Variants in CACNG5 observed in about 807,000 individuals in gnomAD.
CACNG5 encodes calcium voltage-gated channel auxiliary subunit gamma 5.
Under a neutral mutation model 24.8 loss-of-function variants are expected in CACNG5, and 18 were observed. The observed-to-expected ratio is 0.73, with a 90% CI of 0.50 to 1.08. CACNG5 has a LOEUF of 1.08. CACNG5 is among the 50% of genes least tolerant of loss of function. The probability of loss-of-function intolerance (pLI) is 0.00; values close to 1 mark genes in which losing one functional copy is unlikely to be tolerated. For synonymous variants in CACNG5, 157 were observed against 149.1 expected (o/e 1.05, Z -0.39); for missense variants, 349 against 367.9 (o/e 0.95, Z 0.42).
rs1328475949 is a variant in CACNG5, at chr17:66,884,154, A to AG, written c.425-362_425-361insG. Among the ~76,000 whole-genome samples, 255 of 151,874 alleles carry AG rather than the reference A, an allele frequency of 1.7e-3. 4 individuals are homozygous for AG. The highest frequency in any genetic ancestry group is 6.1e-3 in the African/African-American group (252 of 41,416). ...CCTCAAAAAAAGAAAAAAAAAAAAA[A>AG]AAGAAGAAAATACAGTGCCAGGTCC... On this transcript the variant is annotated intron_variant, in intron 4 of 5. Transcript: ENST00000533854.
At chr17:66,845,084 A>G (rs1337950401) in intron 1 of CACNG5, among the ~76,000 whole-genome samples, 1 of 152,260 alleles carries the variant, frequency 6.6e-6, no homozygotes, top group Non-Finnish European at 1.5e-5. Flanking sequence ...AAAATGTGGC[A>G]CATATACACC....
chr17:66,858,751 G>T (rs1976816901), intron 1 of CACNG5, among the ~76,000 whole-genome samples: 1 of 138,218 alleles, frequency 7.2e-6, no homozygotes, highest in African/African-American at 2.7e-5. Context: ...CCTGCATCCT[G>T]GCAGTGGTGT....
At position 66,836,197 on chromosome 17, in the gene CACNG5, A is replaced by C. The variant is rs551755503; in HGVS notation, c.-104+947A>C. Among the ~76,000 whole-genome samples, 4 of 152,220 alleles carry C rather than the reference A, an allele frequency of 2.6e-5. No homozygotes were observed. In the East Asian group the frequency reaches 5.8e-4, roughly 22 times the overall value. On this transcript the variant is annotated intron_variant, in intron 1 of 5. Coordinates refer to ENST00000533854, the MANE Select transcript of CACNG5 (RefSeq NM_145811.3). The stretch of plus-strand genomic sequence containing the variant: ...AAAGGAAGGGATTCACCCACTTTGC[A>C]CTGGATTATCAGTGACTGGGTTAGA...
rs1374305810 is a variant in CACNG5, at chr17:66,894,670, A to T, written c.*9430A>T. 2.0e-5 allele frequency among the ~76,000 whole-genome samples: 3 copies of T among 151,592 alleles called. No individual in the cohort carries two copies. Among genetic ancestry groups the T allele is most frequent in the African/African-American group, 4.9e-5 (2 of 41,216 alleles). ...CCATTCAGATGTGTTTAATATATAT[A>T]TTTTTGTTTCTATGTGCTCCTTAAA... On this transcript the variant is annotated 3_prime_UTR_variant, in exon 6 of 6. Coordinates refer to ENST00000533854, the MANE Select transcript of CACNG5 (RefSeq NM_145811.3).
intron 2 of CACNG5, 66 bp from the exon 3 acceptor site, chr17:66,878,906 T>G: frequency 2.3e-6 from 3 of 1,320,232 alleles, no homozygotes; most frequent in Non-Finnish European, 3.3e-6. Flanking sequence ...GGAAATACCA[T>G]TTGTATGGAC....
intron 1 of CACNG5, among the ~76,000 whole-genome samples, chr17:66,844,307 T>C (rs1365766211): frequency 1.3e-5 from 2 of 152,198 alleles, no homozygotes; most frequent in African/African-American, 4.8e-5. Context: ...CCCTGACATA[T>C]GCACTGTGCA....
rs1287012083 is a variant in CACNG5 at position 66,890,049 on chromosome 17, T to C, written c.*4809T>C. Among the ~76,000 whole-genome samples the C allele has an allele frequency of 6.6e-6, 1 of 152,212 alleles. No individual in the cohort carries two copies. Among genetic ancestry groups the C allele is most frequent in the Non-Finnish European group, 1.5e-5 (1 of 68,042 alleles). On this transcript the variant is annotated 3_prime_UTR_variant, in exon 6 of 6. Coordinates refer to ENST00000533854, the MANE Select transcript of CACNG5 (RefSeq NM_145811.3). ...AATTGGCAGCTCTCCAAGTCTTGAC[T>C]TTCTCCCCACACTCAGTGAACCACT... is the stretch of plus-strand genomic sequence containing the variant.
intron 1 of CACNG5, among the ~76,000 whole-genome samples, chr17:66,850,533 A>G (rs1340527199): frequency 2.0e-5 from 3 of 152,100 alleles, no homozygotes; most frequent in African/African-American, 7.2e-5. Flanking sequence ...TTTTTTTTAC[A>G]TATAGGTTAT....
At chr17:66,860,857 A>ATT (rs34092567) in intron 1 of CACNG5, among the ~76,000 whole-genome samples, 2,346 of 147,216 alleles carry the variant, frequency 0.016, 61 homozygotes, top group African/African-American at 0.053. Context: ...CTTTCTTGAC[A>ATT]TTTTTTTTTT....
intron 1 of CACNG5, among the ~76,000 whole-genome samples, chr17:66,859,836 C>T (rs981647376): frequency 6.6e-6 from 1 of 152,064 alleles, no homozygotes; most frequent in Non-Finnish European, 1.5e-5. Context: ...CCTCCTTCTC[C>T]TCCCCCTTCC....
intron 1 of CACNG5, among the ~76,000 whole-genome samples, chr17:66,875,554 C>T (rs777987553): frequency 6.6e-6 from 1 of 152,188 alleles, no homozygotes; most frequent in Non-Finnish European, 1.5e-5. Flanking sequence ...AACTCTGCCA[C>T]TCTCCTCCTA....
At chr17:66,882,227 A>G (rs1480491864) in intron 4 of CACNG5, among the ~76,000 whole-genome samples, 3 of 152,176 alleles carry the variant, frequency 2.0e-5, no homozygotes, top group Admixed American at 6.5e-5. Context: ...AGTCAAGGTA[A>G]GTGCCAATTT....
intron 1 of CACNG5, among the ~76,000 whole-genome samples, chr17:66,859,684 C>T (rs951913177): frequency 6.6e-6 from 1 of 152,152 alleles, no homozygotes; most frequent in Admixed American, 6.5e-5. Context: ...TTCCTCCCTT[C>T]ACCCCAAAAG....
At chr17:66,862,083 G>A (rs1434447193) in intron 1 of CACNG5, among the ~76,000 whole-genome samples, 1 of 152,122 alleles carries the variant, frequency 6.6e-6, no homozygotes, top group African/African-American at 2.4e-5. Context: ...TTGTGACTTG[G>A]CATGGCAGAG....
chr17:66,849,325 C>A (rs578112992), intron 1 of CACNG5, among the ~76,000 whole-genome samples: 1 of 151,628 alleles, frequency 6.6e-6, no homozygotes, highest in Non-Finnish European at 1.5e-5. Context: ...TGGGGGGAGC[C>A]GCACTGGGAC....
rs1977384251 is a variant in CACNG5 at position 66,894,286 on chromosome 17, G to T, written c.*9046G>T. ...AGGATCCTGCACATCCTTCCTCAGTGGATCCTTAGAAACTCAATGGTGGGC... is the reference window on the plus strand; with the variant it reads ...AGGATCCTGCACATCCTTCCTCAGTTGATCCTTAGAAACTCAATGGTGGGC... On this transcript the variant is annotated 3_prime_UTR_variant, in exon 6 of 6. Transcript: ENST00000533854. 6.6e-6 allele frequency among the ~76,000 whole-genome samples: 1 copy of T among 152,148 alleles called. No homozygotes were observed. The highest frequency in any genetic ancestry group is 6.5e-5 in the Admixed American group (1 of 15,270).
At chr17:66,865,244 T>C (rs193294844) in intron 1 of CACNG5, among the ~76,000 whole-genome samples, 1 of 151,612 alleles carries the variant, frequency 6.6e-6, no homozygotes, top group Admixed American at 6.6e-5. Context: ...CAGCCATTTA[T>C]CTCAACTCTT....
Position 66,851,735 on chromosome 17 carries a change from G to A in CACNG5, c.-104+16485G>A, listed in dbSNP as rs73994648. ...AGAAAACACAAACAATATTGGGAAC[G>A]AGAAAAAGACCAAAATGATATGTGG... On this transcript the variant is annotated intron_variant, in intron 1 of 5. Coordinates refer to ENST00000533854, the MANE Select transcript of CACNG5 (RefSeq NM_145811.3). Among the ~76,000 whole-genome samples, 644 of 152,262 alleles carry A rather than the reference G, an allele frequency of 4.2e-3. 4 individuals carry two copies. Among genetic ancestry groups the A allele is most frequent in the African/African-American group, 0.015 (622 of 41,548 alleles).
At chr17:66,851,704 A>G (rs925868365) in intron 1 of CACNG5, among the ~76,000 whole-genome samples, 5 of 152,194 alleles carry the variant, frequency 3.3e-5, no homozygotes, top group Non-Finnish European at 7.3e-5. Flanking sequence ...AAAGGGAAAA[A>G]GAGAGAGAAA....
Sources: allele counts gnomAD v4.1 joint callset (sites outside exome capture counted in the v4.1 genomes callset), GRCh38; gene constraint gnomAD v4.1.1; transcripts MANE v1.5; gene names NCBI Gene and HGNC (gene_info 2026-07-23, HGNC 2026-07-21).